Variants in CHD9 observed in about 807,000 individuals in gnomAD.
The protein encoded by CHD9 is ATP-dependent chromatin remodeler CHD9.
CHD9 carries 77 observed loss-of-function variants against 316.1 expected under a neutral mutation model. That is an observed-to-expected ratio of 0.24 (90% CI 0.20 to 0.29). The LOEUF (loss-of-function observed/expected upper bound fraction) is 0.29, where lower values mean the gene tolerates loss of function less well. CHD9 is among the 10% of genes least tolerant of loss of function. CHD9 has a pLI of 1.00. For synonymous variants in CHD9, 1,129 were observed against 1,158.3 expected (o/e 0.97, Z 0.51); for missense variants, 2,763 against 3,438.1 (o/e 0.80, Z 4.91).
At chr16:53,093,127 A>T (rs2152558030) in intron 1 of CHD9, among the ~76,000 whole-genome samples, 1 of 152,310 alleles carries the variant, frequency 6.6e-6, no homozygotes, top group Admixed American at 6.5e-5. Context: ...AAGATATCAA[A>T]ATTCAGTGAC....
At chr16:53,199,764 A>G (rs180896899) in intron 2 of CHD9, among the ~76,000 whole-genome samples, 4 of 152,286 alleles carry the variant, frequency 2.6e-5, no homozygotes, top group Admixed American at 2.0e-4. Context: ...TTCCATCTTG[A>G]CCATTAAACT....
Position 53,306,246 on chromosome 16 carries a change from C to G in CHD9, c.6629C>G (p.Thr2210Ser), listed in dbSNP as rs2055960058. 1 of 1,550,624 alleles carries G rather than the reference C, an allele frequency of 6.4e-7. No homozygotes were observed. The highest frequency in any genetic ancestry group is 8.7e-7 in the Non-Finnish European group (1 of 1,153,322). ...EEEAQKREST[T>S]HMKAYDEESV... is the part of the protein sequence containing the mutation. ...TAATTGTTTTTAGCAGAAAGTACTA[C>G]TCACATGAAAGCCTATGATGAAGAA... Residue 2210 changes from threonine to serine, a missense_variant, in exon 32 of 39, where the codon ACT (threonine) becomes AGT (serine). This residue lies in a region of CHD9 where 663 missense variants were observed against 751.2 expected (regional missense o/e 0.88). Coordinates refer to ENST00000447540, the MANE Select transcript of CHD9 (RefSeq NM_001308319.2).
chr16:53,129,125 A>G (rs929734485), intron 1 of CHD9, among the ~76,000 whole-genome samples: 1 of 152,236 alleles, frequency 6.6e-6, no homozygotes, highest in Non-Finnish European at 1.5e-5. Context: ...GTTGATAATT[A>G]TAGCACTGCT....
rs1049908822 is a variant in CHD9 at position 53,326,406 on chromosome 16, G to C, written c.*1511G>C. On this transcript the variant is annotated 3_prime_UTR_variant, in exon 39 of 39. Coordinates refer to ENST00000447540, the MANE Select transcript of CHD9 (RefSeq NM_001308319.2). ...AGAAAAAATACTTTCAGTATGTTTT[G>C]ATAAAACTGTTGCTTTGTCATGAGT... 1 of 152,394 alleles carries C rather than the reference G, an allele frequency of 6.6e-6. No individual in the cohort carries two copies. The highest frequency in any genetic ancestry group is 1.5e-5 in the Non-Finnish European group (1 of 67,906). 9.4% of individuals were successfully genotyped at this position (152,394 alleles called of 1,614,324 possible). A position where few individuals can be genotyped will look rare whatever the true frequency, so the allele number is the denominator to read the frequency against.
chr16:53,279,124 G>A (rs561166772), intron 24 of CHD9, among the ~76,000 whole-genome samples: 1 of 152,168 alleles, frequency 6.6e-6, no homozygotes, highest in Non-Finnish European at 1.5e-5. Context: ...GTCCATCAGT[G>A]ATAGATTGGA....
chr16:53,087,442 C>T (rs2035558871), intron 1 of CHD9, among the ~76,000 whole-genome samples: 1 of 152,150 alleles, frequency 6.6e-6, no homozygotes, highest in Non-Finnish European at 1.5e-5. Context: ...ATTCCCAAGT[C>T]CTCATGCAGT....
chr16:53,250,309 T>A (rs1239033070), intron 17 of CHD9: 1 of 424,712 alleles, frequency 2.4e-6, no homozygotes, highest in African/African-American at 2.1e-5. Context: ...TTATAAAAAA[T>A]TATACCTAAT....
In CHD9 at chr16:53,318,202, T is replaced by C. The variant is rs369553812; in HGVS notation, c.7585-10T>C. On this transcript the variant is annotated splice_polypyrimidine_tract_variant and intron_variant, in intron 36 of 38. Transcript: ENST00000447540. ...GACTTTAAAGATATGTCTTTATCTA[T>C]ATATTTTAGAGAATGCAGCTTCATG... 620 of 1,601,666 alleles carry C rather than the reference T, an allele frequency of 3.9e-4. 2 individuals carry two copies. The Middle Eastern group carries it at 9.7e-3, about 25-fold the overall frequency.
chr16:53,151,571 C>G (rs1340698955), intron 1 of CHD9, among the ~76,000 whole-genome samples: 1 of 151,974 alleles, frequency 6.6e-6, no homozygotes, highest in Non-Finnish European at 1.5e-5. Context: ...ATTATTTTTT[C>G]TTTGTGATCC....
chr16:53,143,577 C>T (rs1327334748), intron 1 of CHD9, among the ~76,000 whole-genome samples: 1 of 151,794 alleles, frequency 6.6e-6, no homozygotes, highest in Admixed American at 6.6e-5. Context: ...TTAGTAGAGA[C>T]AGGGTTGCAC....
intron 1 of CHD9, among the ~76,000 whole-genome samples, chr16:53,104,325 C>G (rs1345659459): frequency 6.6e-6 from 1 of 152,196 alleles, no homozygotes; most frequent in Non-Finnish European, 1.5e-5. Context: ...GAGATTTCCA[C>G]TCTGCCCTTG....
intron 3 of CHD9, among the ~76,000 whole-genome samples, chr16:53,212,964 GC>G (rs2046450996): frequency 6.6e-6 from 1 of 152,108 alleles, no homozygotes; most frequent in Non-Finnish European, 1.5e-5. Flanking sequence ...AACATAAATA[GC>G]ATAGCTATTT....
chr16:53,157,294 C>T lies in CHD9; in HGVS notation c.1205C>T (p.Thr402Ile). The T allele has an allele frequency of 6.2e-7, 1 of 1,611,248 alleles. No individual in the cohort carries two copies. The highest frequency in any genetic ancestry group is 8.5e-7 in the Non-Finnish European group (1 of 1,178,448). ...GTGGAATCTCAAACTGAGCCATTCA[C>T]AGGACTTGACCCCGAGGACCTCCTT... ...HQVESQTEPF[T>I]GLDPEDLLQE... Residue 402 changes from threonine to isoleucine, a missense_variant, in exon 2 of 39, where the codon ACA becomes ATA. Physicochemically the swap from Thr to Ile is moderately conservative, Grantham distance 89 (BLOSUM62 -1). Around this residue, in one of 15 missense-constraint regions of CHD9, gnomAD observed 859 missense variants for 890.4 expected, o/e 0.96. Coordinates refer to ENST00000447540, the MANE Select transcript of CHD9 (RefSeq NM_001308319.2).
chr16:53,139,058 A>C (rs1384835771), intron 1 of CHD9, among the ~76,000 whole-genome samples: 2 of 151,972 alleles, frequency 1.3e-5, no homozygotes, highest in Non-Finnish European at 2.9e-5. Flanking sequence ...GAGGTAAAGG[A>C]TCTATCTTTG....
chr16:53,170,225 T>A (rs988074380), intron 2 of CHD9, among the ~76,000 whole-genome samples: 86 of 152,164 alleles, frequency 5.7e-4, no homozygotes, highest in African/African-American at 2.1e-3. Context: ...AGAGTTAGAT[T>A]CATGGATTTT....
At position 53,156,788 on chromosome 16, in the gene CHD9, A is replaced by G. The variant is rs2041550546; in HGVS notation, c.699A>G (p.Gln233=). The change falls in exon 2 of 39, where the codon CAA becomes CAG. Residue 233 remains glutamine (Q), a synonymous_variant. Coordinates refer to ENST00000447540, the MANE Select transcript of CHD9 (RefSeq NM_001308319.2). ...CTATTTCAATGCAGCAATTTTCTCAAACGTCAAATCCTTCAGCACACTTCC... is the reference window on the plus strand; with the variant it reads ...CTATTTCAATGCAGCAATTTTCTCAGACGTCAAATCCTTCAGCACACTTCC... ...QQSISMQQFS[Q]TSNPSAHFHK... The G allele has an allele frequency of 1.2e-6, 2 of 1,613,862 alleles. No homozygotes were observed. The highest frequency in any genetic ancestry group is 1.7e-6 in the Non-Finnish European group (2 of 1,179,888).
intron 1 of CHD9, among the ~76,000 whole-genome samples, chr16:53,132,793 CTTTTTTT>C (rs748626858): frequency 5.3e-4 from 36 of 68,478 alleles, no homozygotes; most frequent in Non-Finnish European, 9.5e-4. Context: ...TCTAATTCTG[CTTTTTTT>C]TTTTTTTTTT....
chr16:53,197,585 A>T (rs2045040538), intron 2 of CHD9, among the ~76,000 whole-genome samples: 2 of 151,960 alleles, frequency 1.3e-5, no homozygotes, highest in African/African-American at 2.4e-5. Flanking sequence ...TTTTTGTAGT[A>T]TCTTAAAATC....
Position 53,286,206 on chromosome 16 carries a change from G to T in CHD9, c.5072-20G>T, listed in dbSNP as rs1309594453. On this transcript the variant is annotated intron_variant, in intron 25 of 38. Transcript: ENST00000447540. ...TCTTCTTTTTATCTTTTTTACTTTT[G>T]TAATTGGTGATGTTTTCAGGATATG... 2 of 1,387,376 alleles carry T rather than the reference G, an allele frequency of 1.4e-6. No individual in the cohort carries two copies. The highest frequency in any genetic ancestry group is 4.6e-5 in the East Asian group (2 of 43,702). The allele number at this position is 1,387,376 out of a possible 1,614,324, so 85.9% of individuals were successfully genotyped here.
Sources: allele counts gnomAD v4.1 joint callset (sites outside exome capture counted in the v4.1 genomes callset), GRCh38; gene constraint gnomAD v4.1.1; regional missense constraint gnomAD v4.1.1; transcripts MANE v1.5; gene names NCBI Gene and HGNC (gene_info 2026-07-23, HGNC 2026-07-21).